ZNF813: variants seen among roughly 807,000 people sequenced by gnomAD.
ZNF813 encodes zinc finger protein 813.
Under a neutral mutation model 7.2 loss-of-function variants are expected in ZNF813, and 3 were observed. The ratio of observed to expected loss-of-function variants is 0.42; its 90% CI spans 0.19 to 1.08. The LOEUF (loss-of-function observed/expected upper bound fraction) is 1.08, where lower values mean the gene tolerates loss of function less well. Ranked by LOEUF, ZNF813 falls within the 50% of genes least tolerant of loss-of-function variation. The pLI is 0.30. For synonymous variants in ZNF813, 227 were observed against 256.3 expected (o/e 0.89, Z 1.09); for missense variants, 714 against 753.3 (o/e 0.95, Z 0.61).
At chr19:53,482,718 T>TG (rs1300564264) in intron 1 of ZNF813, among the ~76,000 whole-genome samples, 3 of 129,278 alleles carry the variant, frequency 2.3e-5, no homozygotes, top group East Asian at 2.2e-4. Context: ...TTTTGTTTTT[T>TG]TTTTTTTTTT....
intron 1 of ZNF813, 76 bp from the exon 2 acceptor site, chr19:53,483,674 C>T (rs2086419929): frequency 1.4e-6 from 2 of 1,426,798 alleles, no homozygotes; most frequent in Non-Finnish European, 1.9e-6. Context: ...ATGAGGTCTC[C>T]TTTGTATGTG....
intron 1 of ZNF813, chr19:53,479,517 G>C (rs1180506433): frequency 3.0e-6 from 4 of 1,341,896 alleles, no homozygotes; most frequent in Non-Finnish European, 4.2e-6. Flanking sequence ...GTAGGATCCA[G>C]CTGGTTGAAG....
chr19:53,489,579 T>G (rs2086449539), intron 3 of ZNF813, among the ~76,000 whole-genome samples: 1 of 152,086 alleles, frequency 6.6e-6, no homozygotes, highest in South Asian at 2.1e-4. Flanking sequence ...TCCAGCCTGT[T>G]GTGACAAAGT....
At chr19:53,478,368 C>T (rs1465213399) in intron 1 of ZNF813, among the ~76,000 whole-genome samples, 1 of 151,904 alleles carries the variant, frequency 6.6e-6, no homozygotes, top group Non-Finnish European at 1.5e-5. Context: ...AAACGGGTTT[C>T]GCTATGTTTC....
intron 1 of ZNF813, among the ~76,000 whole-genome samples, chr19:53,476,065 A>G (rs2086380398): frequency 1.3e-5 from 2 of 152,150 alleles, no homozygotes; most frequent in African/African-American, 4.8e-5. Context: ...AAGGGCACAA[A>G]TGGCTTGCTT....
At chr19:53,471,778 C>T (rs952577750) in intron 1 of ZNF813, among the ~76,000 whole-genome samples, 7 of 139,994 alleles carry the variant, frequency 5.0e-5, no homozygotes, top group Admixed American at 1.5e-4. Context: ...CGCCACTGCA[C>T]TCCAGCCTGC....
rs761195261 is a variant in ZNF813 at position 53,491,025 on chromosome 19, C to T, written c.793C>T (p.His265Tyr). 3 of 1,614,038 alleles carry T rather than the reference C, an allele frequency of 1.9e-6. No homozygotes were observed. The highest frequency in any genetic ancestry group is 2.5e-6 in the Non-Finnish European group (3 of 1,180,038). ...KRNLVCHRRC[H>Y]TGEKPYRCNE... Reference sequence around the variant, plus strand: ...AAACCTAGTGTGCCATCGTAGATGTCACACTGGGGAGAAACCTTACAGGTG... The same window carrying T: ...AAACCTAGTGTGCCATCGTAGATGTTACACTGGGGAGAAACCTTACAGGTG... The change falls in exon 4 of 4, where the codon CAC becomes TAC. Residue 265 changes from histidine to tyrosine, a missense_variant. By Grantham distance (83) the His-to-Tyr change is moderately conservative. Transcript: ENST00000396403.
rs149741500 is a variant in ZNF813 at position 53,475,944 on chromosome 19, C to G, written c.-73-7806C>G. Reference sequence around the variant, plus strand: ...GGTTTTCAAAGGAGGGGCTCCTTTTCTCCTCTTTTTGTGGCTTCCTATTAA... The same window carrying G: ...GGTTTTCAAAGGAGGGGCTCCTTTTGTCCTCTTTTTGTGGCTTCCTATTAA... On this transcript the variant is annotated intron_variant, in intron 1 of 3. Coordinates refer to ENST00000396403, the MANE Select transcript of ZNF813 (RefSeq NM_001004301.4). Among the ~76,000 whole-genome samples, 561 of 152,246 alleles carry G rather than the reference C, an allele frequency of 3.7e-3. 1 individual carries two copies. Among genetic ancestry groups the G allele is most frequent in the African/African-American group, 0.013 (532 of 41,534 alleles).
rs758502113 is a variant in ZNF813 at position 53,491,515 on chromosome 19, GTCA to G, written c.1288_1290del (p.His430del). 6.2e-7 allele frequency: 1 copy of G among 1,613,536 alleles called. No homozygotes were observed. Among genetic ancestry groups the G allele is most frequent in the Non-Finnish European group, 8.5e-7 (1 of 1,179,794 alleles). On this transcript the variant is annotated inframe_deletion, in exon 4 of 4. Transcript: ENST00000396403. ...TTTAATAAAAAGGCAAACCTTGCAC[GTCA>G]TCATAGACTTCATAGTGGAGAGAAA...
At chr19:53,470,177 C>CCTTCCTTCCTTCCTTCT (rs2086351100) in intron 1 of ZNF813, among the ~76,000 whole-genome samples, 4 of 116,742 alleles carry the variant, frequency 3.4e-5, no homozygotes, top group Non-Finnish European at 7.4e-5. Flanking sequence ...TCTTTTCTTT[C>CCTTCCTTCCTTCCTTCT]TTTCTTTCTT....
Position 53,491,413 on chromosome 19 carries a change from A to G in ZNF813, c.1181A>G (p.Gln394Arg). 6.2e-7 allele frequency: 1 copy of G among 1,613,940 alleles called. No individual in the cohort carries two copies. Among genetic ancestry groups the G allele is most frequent in the Non-Finnish European group, 8.5e-7 (1 of 1,179,966 alleles). ...KCNECGKTFS[Q>R]ELTLKCHRRL... ...AATGAATGTGGCAAGACCTTCAGTCAGGAGTTAACCCTTAAATGCCATCGT... is the reference window on the plus strand; with the variant it reads ...AATGAATGTGGCAAGACCTTCAGTCGGGAGTTAACCCTTAAATGCCATCGT... Residue 394 changes from glutamine (Q) to arginine (R), a missense_variant, in exon 4 of 4, where the codon CAG (glutamine) becomes CGG (arginine). Around this residue, in one of 3 missense-constraint regions of ZNF813, gnomAD observed 563 missense variants for 554.2 expected, o/e 1.02. Coordinates refer to ENST00000396403, the MANE Select transcript of ZNF813 (RefSeq NM_001004301.4).
intron 1 of ZNF813, among the ~76,000 whole-genome samples, chr19:53,480,364 TAAAAA>T (rs35502614): frequency 7.0e-6 from 1 of 142,160 alleles, no homozygotes. Flanking sequence ...TGTTGTGATG[TAAAAA>T]AAAAAAAAAA....
intron 1 of ZNF813, among the ~76,000 whole-genome samples, chr19:53,481,810 G>A (rs1439738915): frequency 6.6e-6 from 1 of 152,168 alleles, no homozygotes; most frequent in African/African-American, 2.4e-5. Context: ...GGAATCAATG[G>A]CATCAGAACC....
At chr19:53,469,609 C>G (rs1446622839) in intron 1 of ZNF813, among the ~76,000 whole-genome samples, 7 of 151,874 alleles carry the variant, frequency 4.6e-5, no homozygotes, top group South Asian at 2.1e-4. Flanking sequence ...CAGAGAAAAG[C>G]TAGATGTACA....
At position 53,492,766 on chromosome 19, in the gene ZNF813, C is replaced by A; in HGVS notation, c.*680C>A. 3.4e-6 allele frequency: 2 copies of A among 595,308 alleles called. No homozygotes were observed. The highest frequency in any genetic ancestry group is 1.5e-5 in the South Asian group (1 of 67,558). The allele number at this position is 595,308 out of a possible 1,614,324, so 36.9% of individuals were successfully genotyped here. The stretch of plus-strand genomic sequence containing the variant: ...TCGTCCATACCTTGCAGTTCATTGG[C>A]GAACTCATACTGGAGACAAACCTTA... On this transcript the variant is annotated 3_prime_UTR_variant, in exon 4 of 4. Transcript: ENST00000396403.
At chr19:53,485,587 T>TATGTATGTAATGATATATAC in intron 2 of ZNF813, among the ~76,000 whole-genome samples, 1 of 139,816 alleles carries the variant, frequency 7.2e-6, no homozygotes, top group South Asian at 2.4e-4. Context: ...TGTCATGACA[T>TATGTATGTAATGATATATAC]ATGTATGTCA....
At chr19:53,482,549 C>A (rs1468824126) in intron 1 of ZNF813, among the ~76,000 whole-genome samples, 3 of 152,082 alleles carry the variant, frequency 2.0e-5, no homozygotes, top group East Asian at 3.9e-4. Context: ...ACTCTATGTC[C>A]CTAAATGATC....
In ZNF813 at chr19:53,493,844, G is replaced by A. The variant is rs1471205447; in HGVS notation, c.*1758G>A. The A allele has an allele frequency of 3.3e-5, 5 of 152,238 alleles. No homozygotes were observed. Among genetic ancestry groups the A allele is most frequent in the Admixed American group, 3.3e-4 (5 of 15,272 alleles). The allele number at this position is 152,238 out of a possible 1,614,324, so 9.4% of individuals were successfully genotyped here. A position where few individuals can be genotyped will look rare whatever the true frequency, so the allele number is the denominator to read the frequency against. On this transcript the variant is annotated 3_prime_UTR_variant, in exon 4 of 4. Coordinates refer to ENST00000396403, the MANE Select transcript of ZNF813 (RefSeq NM_001004301.4). ...AGTATTTATTGAATAGAAGGGGTGAGAGCATTCTTCCATCATGTGAGATCC... is the reference window on the plus strand; with the variant it reads ...AGTATTTATTGAATAGAAGGGGTGAAAGCATTCTTCCATCATGTGAGATCC...
chr19:53,471,540 T>TG (rs2147153712), intron 1 of ZNF813, among the ~76,000 whole-genome samples: 1 of 152,282 alleles, frequency 6.6e-6, no homozygotes, highest in Non-Finnish European at 1.5e-5. Flanking sequence ...CTGGGTGCGG[T>TG]GGCTCACACC....
Sources: allele counts gnomAD v4.1 joint callset (sites outside exome capture counted in the v4.1 genomes callset), GRCh38; gene constraint gnomAD v4.1.1; regional missense constraint gnomAD v4.1.1; transcripts MANE v1.5; gene names NCBI Gene and HGNC (gene_info 2026-07-23, HGNC 2026-07-21).